The following SLC22A23 variants were observed in gnomAD, a reference collection of about 807,000 sequenced individuals.
SLC22A23 encodes the protein solute carrier family 22 member 23, also known as ion transporter protein.
In SLC22A23, 26 loss-of-function variants were observed where a neutral mutation model predicts 61.0. The ratio of observed to expected loss-of-function variants is 0.43; its 90% CI spans 0.31 to 0.59. The LOEUF (loss-of-function observed/expected upper bound fraction) is 0.59, where lower values mean the gene tolerates loss of function less well. Ranked by LOEUF, SLC22A23 falls within the 20% of genes least tolerant of loss-of-function variation. The pLI, the probability that SLC22A23 is intolerant of heterozygous loss-of-function variation, is 0.11. For missense variants in SLC22A23, 796 were observed against 934.7 expected (o/e 0.85, Z 1.94); for synonymous variants, 430 against 413.9 (o/e 1.04, Z -0.47).
At position 3,309,620 on chromosome 6, in the gene SLC22A23, C is replaced by T. The variant is rs76459787; in HGVS notation, c.1083-11402G>A. ...ATAATAAGGACTGTGGGCTGACGAG[C>T]AGGTGGCAGGAGGCAGCGGGCCAGC... On this transcript the variant is annotated intron_variant, in intron 4 of 9. Coordinates refer to ENST00000406686, the MANE Select transcript of SLC22A23 (RefSeq NM_015482.2). The surrounding 1 kb of genome is among the most constrained non-coding windows in gnomAD (Gnocchi z 4.7). Among the ~76,000 whole-genome samples the T allele has an allele frequency of 1.1e-4, 17 of 152,306 alleles. No homozygotes were observed. In the East Asian group the frequency reaches 3.3e-3, roughly 29 times the overall value.
chr6:3,373,650 G>T (rs1262499797), intron 3 of SLC22A23, among the ~76,000 whole-genome samples: 1 of 152,146 alleles, frequency 6.6e-6, no homozygotes. Context: ...AAAGAAAGAA[G>T]AAGAAGAAAG....
intron 1 of SLC22A23, among the ~76,000 whole-genome samples, chr6:3,447,391 C>T (rs1213380476): frequency 1.3e-5 from 2 of 152,072 alleles, no homozygotes; most frequent in Admixed American, 6.6e-5. Context: ...TCTTTCTACA[C>T]GCTTAACTCA....
chr6:3,277,108 G>A (rs1317238710), intron 9 of SLC22A23: 2 of 152,474 alleles, frequency 1.3e-5, no homozygotes, highest in African/African-American at 4.8e-5. Flanking sequence ...GTGCCGGGAA[G>A]GGGCCACCCA....
chr6:3,432,370 C>A, intron 1 of SLC22A23: 1 of 985,402 alleles, frequency 1.0e-6, no homozygotes, highest in Non-Finnish European at 1.2e-6. Flanking sequence ...AATGTTTTTT[C>A]CCCGAATTCT....
At chr6:3,280,148 G>A (rs774832104) in intron 9 of SLC22A23, among the ~76,000 whole-genome samples, 29 of 152,194 alleles carry the variant, frequency 1.9e-4, no homozygotes, top group Non-Finnish European at 3.7e-4. Context: ...CAGCGAAGAA[G>A]AAGAATATGA....
At chr6:3,289,895 G>A in intron 5 of SLC22A23, 29 bp from the exon 6 acceptor site, 1 of 1,599,240 alleles carries the variant, frequency 6.3e-7, no homozygotes, top group Non-Finnish European at 8.6e-7. Context: ...TGTGAGCCCT[G>A]GGCAGGCCGC....
intron 1 of SLC22A23, among the ~76,000 whole-genome samples, chr6:3,430,191 T>C (rs1198557998): frequency 6.6e-6 from 1 of 152,194 alleles, no homozygotes; most frequent in African/African-American, 2.4e-5. Flanking sequence ...AAAGCACAGT[T>C]GTCTTACAGG....
rs1318152176 is a variant in SLC22A23, at chr6:3,339,520, G to A, written c.914-15518C>T. 3.3e-5 allele frequency among the ~76,000 whole-genome samples: 5 copies of A among 152,276 alleles called. No individual in the cohort carries two copies. In the East Asian group the frequency reaches 5.8e-4, roughly 18 times the overall value. ...CTGGGCTGCATTCCCAGATGGTTAA[G>A]GCATTCTAAGTCACAGGATGAGACA... On this transcript the variant is annotated intron_variant, in intron 3 of 9. Transcript: ENST00000406686.
rs188890393 is a variant in SLC22A23, at chr6:3,406,100, T to C, written c.913+4088A>G. Among the ~76,000 whole-genome samples, 85 of 152,234 alleles carry C rather than the reference T, an allele frequency of 5.6e-4. 1 individual carries two copies. Among genetic ancestry groups the C allele is most frequent in the Non-Finnish European group, 8.8e-4 (60 of 68,012 alleles). ...TAAGGTTTGGTCTGTCAGCAAAAGG[T>C]ATTGTTCATTATTTCAAACTGGGAA... On this transcript the variant is annotated intron_variant, in intron 3 of 9. Transcript: ENST00000406686.
intron 1 of SLC22A23, among the ~76,000 whole-genome samples, chr6:3,429,871 A>G (rs918879181): frequency 6.6e-6 from 1 of 152,202 alleles, no homozygotes; most frequent in Non-Finnish European, 1.5e-5. Context: ...CACAGAAAGT[A>G]GAATGGGGGT....
At chr6:3,383,819 T>C (rs9405636) in intron 3 of SLC22A23, among the ~76,000 whole-genome samples, 132,735 of 152,328 alleles carry the variant, frequency 0.87, 58,293 homozygotes, top group African/African-American at 0.97. Flanking sequence ...CCCCCTGAGG[T>C]CCTACTATGC....
chr6:3,405,138 G>C (rs1561957184), intron 3 of SLC22A23, among the ~76,000 whole-genome samples: 1 of 151,998 alleles, frequency 6.6e-6, no homozygotes, highest in Non-Finnish European at 1.5e-5. Flanking sequence ...GTGGGTGCCT[G>C]TAATCCTAGC....
intron 1 of SLC22A23, among the ~76,000 whole-genome samples, chr6:3,421,686 C>A (rs1281633820): frequency 6.6e-6 from 1 of 151,898 alleles, no homozygotes; most frequent in Non-Finnish European, 1.5e-5. Flanking sequence ...ATCTATAAGC[C>A]CTCAAATGAC....
At chr6:3,437,875 G>A (rs974480595) in intron 1 of SLC22A23, among the ~76,000 whole-genome samples, 9 of 150,706 alleles carry the variant, frequency 6.0e-5, no homozygotes, top group Middle Eastern at 3.4e-3. Context: ...AGCCTCCCAA[G>A]TAGCTGGGAC....
At chr6:3,396,650 C>T (rs775558381) in intron 3 of SLC22A23, among the ~76,000 whole-genome samples, 18 of 152,142 alleles carry the variant, frequency 1.2e-4, no homozygotes, top group Non-Finnish European at 2.5e-4. Flanking sequence ...AACACACAGG[C>T]GGCTGGATGT....
intron 1 of SLC22A23, among the ~76,000 whole-genome samples, chr6:3,447,469 T>C (rs1172606648): frequency 6.6e-6 from 1 of 152,134 alleles, no homozygotes; most frequent in Non-Finnish European, 1.5e-5. Context: ...CTAAGCTCTA[T>C]GGAAGCTGAG....
chr6:3,280,761 G>C (rs980652877), intron 9 of SLC22A23, among the ~76,000 whole-genome samples: 1 of 152,148 alleles, frequency 6.6e-6, no homozygotes, highest in African/African-American at 2.4e-5. Context: ...CTCCCAAAGT[G>C]CTGGGATTAC....
chr6:3,408,859 A>C (rs2127510986), intron 3 of SLC22A23, among the ~76,000 whole-genome samples: 1 of 152,356 alleles, frequency 6.6e-6, no homozygotes, highest in East Asian at 1.9e-4. Context: ...TGGAAGCCTG[A>C]CAAGGACGGC....
rs1278630958 is a variant in SLC22A23, at chr6:3,317,358, G to C, written c.1082+6476C>G. Among the ~76,000 whole-genome samples the C allele has an allele frequency of 1.3e-5, 2 of 152,158 alleles. No individual in the cohort carries two copies. Among genetic ancestry groups the C allele is most frequent in the African/African-American group, 4.8e-5 (2 of 41,424 alleles). ...CACCTGGAAGGGGCACCTTTCCGCA[G>C]TGTGCACAATTTCAGAGCAGCAGCT... On this transcript the variant is annotated intron_variant, in intron 4 of 9. Transcript: ENST00000406686. The surrounding 1 kb of genome is among the most constrained non-coding windows in gnomAD (Gnocchi z 4.4).
Sources: gnomAD v4.1 joint callset for allele counts (sites outside exome capture counted in the v4.1 genomes callset) on GRCh38, gnomAD v4.1.1 for gene constraint, Gnocchi (gnomAD v3.1) non-coding constraint, MANE v1.5 for transcripts, NCBI Gene and HGNC (gene_info 2026-07-23, HGNC 2026-07-21) for gene names.